The following KCNH8 variants were observed in gnomAD, a reference collection of about 807,000 sequenced individuals.
KCNH8 encodes the protein potassium voltage-gated channel subfamily H member 8.
Under a neutral mutation model 103.6 loss-of-function variants are expected in KCNH8, and 70 were observed. The observed-to-expected ratio is 0.68, with a 90% CI of 0.56 to 0.82. KCNH8 has a LOEUF of 0.82. Ranked by LOEUF, KCNH8 falls within the 40% of genes least tolerant of loss-of-function variation. KCNH8 has a pLI of 0.00. For missense variants in KCNH8, 1,217 were observed against 1,329.9 expected, an observed-to-expected ratio of 0.92 and a Z score of 1.32; for synonymous variants, 498 against 489.4, an observed-to-expected ratio of 1.02 and a Z score of -0.23.
chr3:19,335,457 G>A (rs9809449), intron 3 of KCNH8, among the ~76,000 whole-genome samples: 2 of 133,612 alleles, frequency 1.5e-5, no homozygotes, highest in Non-Finnish European at 3.1e-5. Context: ...ATATATATAT[G>A]TGTGTGTGTG....
chr3:19,363,678 T>G (rs2065974556), intron 5 of KCNH8, among the ~76,000 whole-genome samples: 1 of 152,126 alleles, frequency 6.6e-6, no homozygotes, highest in South Asian at 2.1e-4. Flanking sequence ...CTCATATCAA[T>G]GCTTGTTACA....
Position 19,494,149 on chromosome 3 carries a change from C to T in KCNH8, c.2041-16214C>T, listed in dbSNP as rs147731347. 1.5e-3 allele frequency among the ~76,000 whole-genome samples: 223 copies of T among 152,270 alleles called. 2 individuals carry two copies. Among genetic ancestry groups the T allele is most frequent in the African/African-American group, 5.0e-3 (209 of 41,538 alleles). On this transcript the variant is annotated intron_variant, in intron 11 of 15. Coordinates refer to ENST00000328405, the MANE Select transcript of KCNH8 (RefSeq NM_144633.3). The stretch of plus-strand genomic sequence containing the variant: ...GGATAATTGCCTCCAGCTCCACCCA[C>T]GTTGCTGCAAAGGGCAGGAGCTCAT...
intron 4 of KCNH8, among the ~76,000 whole-genome samples, chr3:19,344,223 C>T (rs1460616980): frequency 6.6e-6 from 1 of 151,930 alleles, no homozygotes; most frequent in African/African-American, 2.4e-5. Context: ...TGATTCCATG[C>T]AAATCAACCA....
chr3:19,264,002 C>T (rs1027219868), intron 2 of KCNH8, among the ~76,000 whole-genome samples: 6 of 152,044 alleles, frequency 3.9e-5, no homozygotes, highest in African/African-American at 1.4e-4. Context: ...CTCTCAGTTG[C>T]TTTCTCCAGC....
At chr3:19,529,622 G>A (rs1187728834) in intron 15 of KCNH8, among the ~76,000 whole-genome samples, 1 of 152,156 alleles carries the variant, frequency 6.6e-6, no homozygotes, top group Non-Finnish European at 1.5e-5. Context: ...AGCACAGCAG[G>A]AAGCAGTAAA....
chr3:19,421,030 A>G (rs762803426), intron 7 of KCNH8, among the ~76,000 whole-genome samples: 3 of 152,178 alleles, frequency 2.0e-5, no homozygotes, highest in Non-Finnish European at 4.4e-5. Context: ...AAGAACTGCA[A>G]TTCATTGTCA....
At chr3:19,429,573 G>T (rs1426347976) in intron 7 of KCNH8, among the ~76,000 whole-genome samples, 3 of 152,096 alleles carry the variant, frequency 2.0e-5, no homozygotes, top group Non-Finnish European at 2.9e-5. Context: ...CTTTAGAACA[G>T]TTTCTTTTTT....
chr3:19,448,922 T>C, intron 8 of KCNH8: 1 of 1,248,916 alleles, frequency 8.0e-7, no homozygotes, highest in South Asian at 1.3e-5. Flanking sequence ...CTCATCTTTC[T>C]CTCAGTTTCA....
At chr3:19,294,403 G>A (rs910000265) in intron 3 of KCNH8, among the ~76,000 whole-genome samples, 1 of 151,958 alleles carries the variant, frequency 6.6e-6, no homozygotes, top group African/African-American at 2.4e-5. Context: ...TCTTTTGTTT[G>A]CATAATGGAA....
intron 3 of KCNH8, among the ~76,000 whole-genome samples, chr3:19,286,669 T>A (rs1307816818): frequency 6.6e-6 from 1 of 152,198 alleles, no homozygotes; most frequent in Non-Finnish European, 1.5e-5. Context: ...CCATATACTT[T>A]AAAAAAATCT....
chr3:19,311,248 A>T (rs974491016), intron 3 of KCNH8, among the ~76,000 whole-genome samples: 1 of 151,766 alleles, frequency 6.6e-6, no homozygotes. Context: ...TAAGTACTTT[A>T]TGGTTTTTAC....
intron 1 of KCNH8, among the ~76,000 whole-genome samples, chr3:19,195,290 C>A (rs2063589950): frequency 6.6e-6 from 1 of 151,902 alleles, no homozygotes; most frequent in African/African-American, 2.4e-5. Context: ...AATAATTCCC[C>A]TTGCTGGTTG....
In KCNH8 at chr3:19,452,429, G is replaced by A. The variant is rs17005978; in HGVS notation, c.1825+1025G>A. ...ATTTTTGTTTGTTTATTCACCTAAC[G>A]TTTATTGAGGACTTATGAATGAATT... On this transcript the variant is annotated intron_variant, in intron 10 of 15. Transcript: ENST00000328405. Among the ~76,000 whole-genome samples, 1,019 of 152,160 alleles carry A rather than the reference G, an allele frequency of 6.7e-3. 13 individuals carry two copies. The highest frequency in any genetic ancestry group is 0.023 in the African/African-American group (948 of 41,510).
intron 11 of KCNH8, among the ~76,000 whole-genome samples, chr3:19,473,645 T>A (rs1327560771): frequency 6.6e-6 from 1 of 152,240 alleles, no homozygotes; most frequent in Admixed American, 6.5e-5. Flanking sequence ...CCAGACTGTT[T>A]CATTCTTGTA....
At chr3:19,350,120 T>G (rs1392817798) in intron 5 of KCNH8, among the ~76,000 whole-genome samples, 2 of 152,136 alleles carry the variant, frequency 1.3e-5, no homozygotes, top group Non-Finnish European at 2.9e-5. Context: ...ATCTACAATT[T>G]ATTATAGCAT....
rs747382346 is a variant in KCNH8 at position 19,395,331 on chromosome 3, A to ACATTTTC, written c.1177+27_1177+33dup. The ACATTTTC allele has an allele frequency of 1.9e-6, 3 of 1,554,154 alleles. No individual in the cohort carries two copies. The highest frequency in any genetic ancestry group is 2.7e-6 in the Non-Finnish European group (3 of 1,131,910). On this transcript the variant is annotated intron_variant, in intron 7 of 15. Coordinates refer to ENST00000328405, the MANE Select transcript of KCNH8 (RefSeq NM_144633.3). ...AAGTTGGTAAGGGCTTACATTTGTC[A>ACATTTTC]CATTTTCCATTTTTTAATTTAAAAA...
At chr3:19,417,769 G>A (rs1357651095) in intron 7 of KCNH8, among the ~76,000 whole-genome samples, 3 of 151,998 alleles carry the variant, frequency 2.0e-5, no homozygotes, top group Non-Finnish European at 4.4e-5. Context: ...TAGATATGAA[G>A]AAAGACAAAA....
At chr3:19,430,242 G>T (rs944275758) in intron 7 of KCNH8, among the ~76,000 whole-genome samples, 37 of 152,076 alleles carry the variant, frequency 2.4e-4, no homozygotes, top group African/African-American at 8.9e-4. Flanking sequence ...CCCATTGCTT[G>T]TTTTTGTCTT....
At position 19,199,767 on chromosome 3, in the gene KCNH8, A is replaced by G. The variant is rs554808866; in HGVS notation, c.76+50972A>G. On this transcript the variant is annotated intron_variant, in intron 1 of 15. Coordinates refer to ENST00000328405, the MANE Select transcript of KCNH8 (RefSeq NM_144633.3). ...ATTGAGTAAAATATGTAAATCACTG[A>G]GAATTATATTGATAAATGGCAGATA... Among the ~76,000 whole-genome samples, 3 of 152,018 alleles carry G rather than the reference A, an allele frequency of 2.0e-5. No homozygotes were observed. The East Asian group carries it at 5.8e-4, about 29-fold the overall frequency.
Sources: allele counts gnomAD v4.1 joint callset (sites outside exome capture counted in the v4.1 genomes callset), GRCh38; gene constraint gnomAD v4.1.1; transcripts MANE v1.5; gene names NCBI Gene and HGNC (gene_info 2026-07-23, HGNC 2026-07-21).